The following FARP1 variants were observed in gnomAD, a reference collection of about 807,000 sequenced individuals.
The protein encoded by FARP1 is FERM, ARH/RhoGEF and pleckstrin domain protein 1.
Under a neutral mutation model 128.8 loss-of-function variants are expected in FARP1, and 52 were observed. The observed-to-expected ratio is 0.40, with a 90% CI of 0.32 to 0.51. The LOEUF (loss-of-function observed/expected upper bound fraction) is 0.51. Among genes scored for constraint, FARP1 ranks in the 20% least tolerant of loss-of-function variants. FARP1 has a pLI of 0.45. For synonymous variants in FARP1, 580 were observed against 551.8 expected (o/e 1.05, Z -0.72); for missense variants, 1,333 against 1,367.9 (o/e 0.97, Z 0.40).
At chr13:98,218,872 G>T (rs575400370) in intron 2 of FARP1, among the ~76,000 whole-genome samples, 1 of 152,282 alleles carries the variant, frequency 6.6e-6, no homozygotes, top group South Asian at 2.1e-4. Flanking sequence ...GTTGAAATCA[G>T]AGAAGACCTA....
intron 2 of FARP1, among the ~76,000 whole-genome samples, chr13:98,291,809 T>C (rs1885459540): frequency 6.6e-6 from 1 of 152,208 alleles, no homozygotes. Flanking sequence ...CTGCCAACTC[T>C]CTCTTGGTCA....
At chr13:98,307,282 G>T (rs1258406273) in intron 2 of FARP1, among the ~76,000 whole-genome samples, 5 of 152,334 alleles carry the variant, frequency 3.3e-5, no homozygotes, top group Admixed American at 2.0e-4. Context: ...GAATTAGGTT[G>T]AGAATTTTTT....
chr13:98,215,260 C>T (rs377624969), intron 2 of FARP1, among the ~76,000 whole-genome samples: 5 of 152,186 alleles, frequency 3.3e-5, no homozygotes, highest in Middle Eastern at 3.4e-3. Context: ...ATTTATAAGC[C>T]CTTTGTCTGG....
chr13:98,242,388 A>G (rs1882820842), intron 2 of FARP1, among the ~76,000 whole-genome samples: 1 of 152,162 alleles, frequency 6.6e-6, no homozygotes, highest in Non-Finnish European at 1.5e-5. Context: ...ATTTTTAAAA[A>G]TTTGGGGCCA....
chr13:98,309,153 CTTTTTTTTTTTTTTT>C (rs56030081), intron 2 of FARP1, among the ~76,000 whole-genome samples: 25 of 89,688 alleles, frequency 2.8e-4, no homozygotes, highest in African/African-American at 8.3e-4. Context: ...TTTAAGAGGC[CTTTTTTTTTTTTTTT>C]TTTTTTTTTT....
intron 19 of FARP1, chr13:98,437,927 C>T (rs1475857499): frequency 4.7e-5 from 55 of 1,166,184 alleles, no homozygotes; most frequent in East Asian, 3.0e-4. Flanking sequence ...CTCATCAGGC[C>T]GCCACACATC....
chr13:98,410,682 C>T (rs1255375533), intron 14 of FARP1, 52 bp from the exon 15 acceptor site: 11 of 857,324 alleles, frequency 1.3e-5, no homozygotes, highest in South Asian at 7.3e-5. Context: ...TTCTCCGAGA[C>T]GCATACTCAA....
chr13:98,206,116 C>T (rs1880245684), intron 1 of FARP1, among the ~76,000 whole-genome samples: 1 of 151,326 alleles, frequency 6.6e-6, no homozygotes, highest in Non-Finnish European at 1.5e-5. Context: ...TTTGCAGGAG[C>T]CTCAGTGGGC....
At chr13:98,181,079 C>T (rs1878473451) in intron 1 of FARP1, among the ~76,000 whole-genome samples, 1 of 151,284 alleles carries the variant, frequency 6.6e-6, no homozygotes, top group Non-Finnish European at 1.5e-5. Context: ...CAGAATTTTG[C>T]TCTTGTTGCT....
At chr13:98,271,941 G>A (rs1484311402) in intron 2 of FARP1, among the ~76,000 whole-genome samples, 1 of 152,052 alleles carries the variant, frequency 6.6e-6, no homozygotes, top group Admixed American at 6.5e-5. Flanking sequence ...AATCCTTTGG[G>A]TTTATACCCA....
At chr13:98,172,043 T>C (rs754134285) in intron 1 of FARP1, among the ~76,000 whole-genome samples, 1 of 152,194 alleles carries the variant, frequency 6.6e-6, no homozygotes, top group Non-Finnish European at 1.5e-5. Context: ...AGCAGTTCTC[T>C]TCTGGATGGT....
intron 3 of FARP1, among the ~76,000 whole-genome samples, chr13:98,349,565 A>C (rs1888318456): frequency 1.3e-5 from 2 of 149,852 alleles, no homozygotes; most frequent in African/African-American, 4.9e-5. Context: ...CAGTTACTTG[A>C]GAGGCTGTGG....
intron 2 of FARP1, chr13:98,331,895 T>A (rs1887525078): frequency 6.6e-6 from 1 of 152,156 alleles, no homozygotes. Flanking sequence ...CTAATAGTAA[T>A]AGCTTCATCT....
At chr13:98,313,129 C>T (rs1233142067) in intron 2 of FARP1, among the ~76,000 whole-genome samples, 5 of 151,304 alleles carry the variant, frequency 3.3e-5, no homozygotes. Context: ...CACACACACA[C>T]ACACACACAC....
intron 2 of FARP1, among the ~76,000 whole-genome samples, chr13:98,302,476 T>C (rs564772000): frequency 3.9e-5 from 6 of 152,274 alleles, no homozygotes; most frequent in African/African-American, 1.4e-4. Context: ...GCAGATCAGC[T>C]TTGCCACACT....
At chr13:98,151,963 T>C (rs1349310322) in intron 1 of FARP1, among the ~76,000 whole-genome samples, 1 of 152,058 alleles carries the variant, frequency 6.6e-6, no homozygotes, top group Non-Finnish European at 1.5e-5. Flanking sequence ...CGCCTGGCCA[T>C]ATCTTCCATC....
At chr13:98,178,396 A>G (rs1167343391) in intron 1 of FARP1, among the ~76,000 whole-genome samples, 2 of 152,052 alleles carry the variant, frequency 1.3e-5, no homozygotes, top group East Asian at 1.9e-4. Flanking sequence ...GGGTTTCACC[A>G]TGTTGGCCAG....
intron 26 of FARP1, chr13:98,447,127 TA>T (rs1234433751): frequency 3.2e-6 from 1 of 308,628 alleles, no homozygotes; most frequent in Non-Finnish European, 6.1e-6. Flanking sequence ...CTACATGGTG[TA>T]ATGGCAGGGA....
chr13:98,437,227 C>T (rs1450038090), intron 19 of FARP1, among the ~76,000 whole-genome samples: 5 of 152,158 alleles, frequency 3.3e-5, no homozygotes, highest in Admixed American at 6.5e-5. Flanking sequence ...ACACACTGGC[C>T]GATCAGGTGA....
Sources: allele counts gnomAD v4.1 joint callset (sites outside exome capture counted in the v4.1 genomes callset), GRCh38; gene constraint gnomAD v4.1.1; transcripts MANE v1.5; gene names NCBI Gene and HGNC (gene_info 2026-07-23, HGNC 2026-07-21).